The following MGMT variants were observed in gnomAD, a reference collection of about 807,000 sequenced individuals.
MGMT encodes the protein O-6-methylguanine-DNA methyltransferase, also known as methylated-DNA--protein-cysteine methyltransferase.
MGMT carries 14 observed loss-of-function variants against 15.9 expected under a neutral mutation model. That is an observed-to-expected ratio of 0.88 (90% confidence interval 0.58 to 1.37). The LOEUF (loss-of-function observed/expected upper bound fraction) is 1.37, where lower values mean the gene tolerates loss of function less well. MGMT is among the 40% of genes most tolerant of loss of function. MGMT has a pLI of 0.00. For synonymous variants in MGMT, 130 were observed against 118.2 expected (o/e 1.10, Z -0.65); for missense variants, 282 against 268.1 (o/e 1.05, Z -0.36).
At chr10:129,592,861 T>C (rs990578634) in intron 2 of MGMT, among the ~76,000 whole-genome samples, 1 of 152,040 alleles carries the variant, frequency 6.6e-6, no homozygotes, top group African/African-American at 2.4e-5. Context: ...TAACATGAAA[T>C]CAGTTCATAA....
chr10:129,654,611 G>C (rs1396761279), intron 2 of MGMT, among the ~76,000 whole-genome samples: 1 of 152,066 alleles, frequency 6.6e-6, no homozygotes, highest in Non-Finnish European at 1.5e-5. Flanking sequence ...GGCTGTGAGG[G>C]ACCTGCTGCC....
intron 2 of MGMT, among the ~76,000 whole-genome samples, chr10:129,619,091 T>A (rs1847061448): frequency 6.6e-6 from 1 of 152,218 alleles, no homozygotes. Context: ...AGTATTTTAC[T>A]GTTAAATATA....
chr10:129,724,765 T>C (rs1049770956), intron 3 of MGMT, among the ~76,000 whole-genome samples: 1 of 152,224 alleles, frequency 6.6e-6, no homozygotes, highest in Non-Finnish European at 1.5e-5. Context: ...AAGCTATTCA[T>C]TGTAAAACTC....
intron 2 of MGMT, among the ~76,000 whole-genome samples, chr10:129,597,923 T>C (rs901788463): frequency 3.9e-5 from 6 of 152,212 alleles, no homozygotes; most frequent in African/African-American, 1.4e-4. Context: ...GTTGTGGCAT[T>C]GACGTATTCT....
chr10:129,504,240 A>G (rs1408667902), intron 1 of MGMT, among the ~76,000 whole-genome samples: 1 of 152,252 alleles, frequency 6.6e-6, no homozygotes, highest in Non-Finnish European at 1.5e-5. Flanking sequence ...ATGGAGATTG[A>G]GACAGTTTTG....
intron 1 of MGMT, among the ~76,000 whole-genome samples, chr10:129,492,590 ATGGGCCACCCAGAGC>A (rs1337015283): frequency 2.6e-5 from 4 of 152,116 alleles, no homozygotes; most frequent in Non-Finnish European, 4.4e-5. Flanking sequence ...GCCATCCCCA[ATGGGCCACCCAGAGC>A]TTCCCTGGTT....
At chr10:129,519,774 T>C (rs1845783708) in intron 1 of MGMT, among the ~76,000 whole-genome samples, 1 of 152,196 alleles carries the variant, frequency 6.6e-6, no homozygotes, top group Non-Finnish European at 1.5e-5. Context: ...GTGTGCAGGC[T>C]TAATGCTCAT....
At chr10:129,584,202 G>T (rs1846591443) in intron 2 of MGMT, among the ~76,000 whole-genome samples, 1 of 152,180 alleles carries the variant, frequency 6.6e-6, no homozygotes, top group Admixed American at 6.5e-5. Context: ...GGGGATTCTT[G>T]CAGGGAAACA....
chr10:129,544,555 A>G (rs1234797973), intron 2 of MGMT, among the ~76,000 whole-genome samples: 1 of 152,160 alleles, frequency 6.6e-6, no homozygotes, highest in Non-Finnish European at 1.5e-5. Flanking sequence ...TCCTTTCTCG[A>G]TGGCCCTGGT....
At chr10:129,615,625 C>T (rs1274809208) in intron 2 of MGMT, among the ~76,000 whole-genome samples, 3 of 152,120 alleles carry the variant, frequency 2.0e-5, no homozygotes, top group Admixed American at 6.5e-5. Context: ...AGGGATGCAG[C>T]GTGGTGGAAT....
At chr10:129,679,649 A>G (rs2133119030) in intron 2 of MGMT, among the ~76,000 whole-genome samples, 1 of 152,342 alleles carries the variant, frequency 6.6e-6, no homozygotes, top group East Asian at 1.9e-4. Context: ...GTTAACATTC[A>G]GCAAACAAAT....
intron 3 of MGMT, among the ~76,000 whole-genome samples, chr10:129,710,102 C>T (rs558808233): frequency 9.6e-4 from 146 of 152,338 alleles, no homozygotes; most frequent in African/African-American, 3.4e-3. Context: ...CCACACCTAC[C>T]CCTGCCTCCC....
chr10:129,762,848 C>T (rs944622360), intron 4 of MGMT, among the ~76,000 whole-genome samples: 14 of 151,818 alleles, frequency 9.2e-5, no homozygotes, highest in African/African-American at 3.4e-4. Flanking sequence ...TGGAGCTGAA[C>T]CATTTGACCA....
chr10:129,687,453 G>C (rs556385032), intron 2 of MGMT, among the ~76,000 whole-genome samples: 1 of 152,120 alleles, frequency 6.6e-6, no homozygotes, highest in South Asian at 2.1e-4. Flanking sequence ...TGGTGCACAG[G>C]GGGGACCCAG....
chr10:129,677,323 T>C (rs540981926), intron 2 of MGMT, among the ~76,000 whole-genome samples: 1 of 152,346 alleles, frequency 6.6e-6, no homozygotes, highest in South Asian at 2.1e-4. Flanking sequence ...TGTAATACCA[T>C]TTTATTTCTA....
At chr10:129,546,746 C>T (rs1042046439) in intron 2 of MGMT, among the ~76,000 whole-genome samples, 5 of 152,264 alleles carry the variant, frequency 3.3e-5, no homozygotes, top group Admixed American at 1.3e-4. Context: ...GGAACACTGA[C>T]GTCAGATCTT....
At chr10:129,676,028 A>G (rs776590100) in intron 2 of MGMT, among the ~76,000 whole-genome samples, 31 of 152,186 alleles carry the variant, frequency 2.0e-4, no homozygotes, top group Non-Finnish European at 3.5e-4. Context: ...TCATGAGCAC[A>G]TGTGAGTGAG....
chr10:129,527,505 C>A (rs1589851171), intron 1 of MGMT, among the ~76,000 whole-genome samples: 1 of 152,140 alleles, frequency 6.6e-6, no homozygotes, highest in South Asian at 2.1e-4. Flanking sequence ...GAAGGCGGGC[C>A]GGGAATTCCT....
intron 2 of MGMT, among the ~76,000 whole-genome samples, chr10:129,611,998 T>A (rs759625634): frequency 1.3e-5 from 2 of 152,014 alleles, no homozygotes; most frequent in Non-Finnish European, 2.9e-5. Context: ...GTGCCTAAGG[T>A]GGTCGGGGTG....
Sources: gnomAD v4.1 joint callset for allele counts (sites outside exome capture counted in the v4.1 genomes callset) on GRCh38, gnomAD v4.1.1 for gene constraint, MANE v1.5 for transcripts, NCBI Gene and HGNC (gene_info 2026-07-23, HGNC 2026-07-21) for gene names.